The following ADCY5 variants were observed in gnomAD, a reference collection of about 807,000 sequenced individuals.
ADCY5 encodes adenylate cyclase type 5.
A neutral mutation model predicts 119.7 loss-of-function variants in ADCY5; 30 were observed. The ratio of observed to expected loss-of-function variants is 0.25; its 90% confidence interval spans 0.19 to 0.34. The LOEUF (loss-of-function observed/expected upper bound fraction) is 0.34. ADCY5 is among the 10% of genes least tolerant of loss of function. The pLI, the probability that ADCY5 is intolerant of heterozygous loss-of-function variation, is 1.00. For missense variants in ADCY5, 1,324 were observed against 1,775.2 expected (o/e 0.75, Z 4.57); for synonymous variants, 753 against 762.2 (o/e 0.99, Z 0.20).
At chr3:123,308,025 GCT>G (rs1313046648) in intron 12 of ADCY5, among the ~76,000 whole-genome samples, 1 of 117,368 alleles carries the variant, frequency 8.5e-6, no homozygotes, top group African/African-American at 3.2e-5. Context: ...TTTTTTTCAT[GCT>G]CTTTTTTTTT....
At chr3:123,333,308 G>A (rs764412119) in intron 3 of ADCY5, among the ~76,000 whole-genome samples, 3 of 152,178 alleles carry the variant, frequency 2.0e-5, no homozygotes, top group Non-Finnish European at 2.9e-5. Flanking sequence ...CTCCAGAACC[G>A]TGAGAAATAC....
intron 13 of ADCY5, 81 bp downstream of exon 13, chr3:123,303,986 G>C: frequency 2.0e-6 from 2 of 1,001,336 alleles, no homozygotes; most frequent in African/African-American, 3.2e-5. Context: ...TCTCTCCTAG[G>C]CCTGCTTGTC....
At chr3:123,432,106 G>A (rs1305317212) in intron 1 of ADCY5, among the ~76,000 whole-genome samples, 1 of 152,170 alleles carries the variant, frequency 6.6e-6, no homozygotes, top group Non-Finnish European at 1.5e-5. Context: ...TCTCAGCCCT[G>A]GGCATTCAAG....
chr3:123,425,034 A>T (rs1303108624), intron 1 of ADCY5, among the ~76,000 whole-genome samples: 3 of 152,220 alleles, frequency 2.0e-5, no homozygotes, highest in African/African-American at 7.2e-5. Context: ...CCCCCTCCCC[A>T]GGCATCCTGA....
intron 1 of ADCY5, among the ~76,000 whole-genome samples, chr3:123,420,507 G>A (rs1559872732): frequency 1.3e-5 from 2 of 152,170 alleles, no homozygotes; most frequent in Non-Finnish European, 2.9e-5. Flanking sequence ...GGTGAGGGGT[G>A]AGTGATCTGT....
intron 1 of ADCY5, among the ~76,000 whole-genome samples, chr3:123,392,072 A>G (rs1306571672): frequency 6.6e-6 from 1 of 152,190 alleles, no homozygotes; most frequent in Non-Finnish European, 1.5e-5. Context: ...CCTCACATCT[A>G]AAGCATTTGT....
intron 19 of ADCY5, 68 bp downstream of exon 19, chr3:123,289,682 G>T (rs576938036): frequency 6.4e-7 from 1 of 1,562,154 alleles, no homozygotes; most frequent in Non-Finnish European, 8.8e-7. Flanking sequence ...TATGGGGTAT[G>T]GGGGAGCCCC....
chr3:123,397,091 C>T (rs1435309195), intron 1 of ADCY5, among the ~76,000 whole-genome samples: 1 of 152,068 alleles, frequency 6.6e-6, no homozygotes, highest in Non-Finnish European at 1.5e-5. Context: ...AACAGAAGAG[C>T]TAAATTTGTC....
At chr3:123,319,466 G>A (rs1941099527) in intron 10 of ADCY5, among the ~76,000 whole-genome samples, 1 of 152,168 alleles carries the variant, frequency 6.6e-6, no homozygotes, top group Non-Finnish European at 1.5e-5. Context: ...TGAAACGAAG[G>A]CACAGAGAAG....
chr3:123,424,450 G>A (rs1263485243), intron 1 of ADCY5, among the ~76,000 whole-genome samples: 1 of 152,172 alleles, frequency 6.6e-6, no homozygotes, highest in Non-Finnish European at 1.5e-5. Context: ...TCCTAGCAGG[G>A]GGTGCTCAGA....
At chr3:123,296,469 C>A (rs1026200808) in intron 16 of ADCY5, among the ~76,000 whole-genome samples, 1 of 152,198 alleles carries the variant, frequency 6.6e-6, no homozygotes, top group African/African-American at 2.4e-5. Flanking sequence ...GCCTTACAAC[C>A]CCCCATCACT....
At chr3:123,418,802 A>C (rs1440197193) in intron 1 of ADCY5, 1 of 152,256 alleles carries the variant, frequency 6.6e-6, no homozygotes, top group Non-Finnish European at 1.5e-5. Context: ...GGGCGTTATC[A>C]AATCCACTGA....
intron 17 of ADCY5, among the ~76,000 whole-genome samples, chr3:123,295,743 G>A (rs371077674): frequency 1.3e-5 from 2 of 152,020 alleles, no homozygotes; most frequent in African/African-American, 4.8e-5. Context: ...GGACCTGCCC[G>A]CACCTCCCCT....
At chr3:123,326,758 C>G (rs914829526) in intron 7 of ADCY5, among the ~76,000 whole-genome samples, 1 of 152,176 alleles carries the variant, frequency 6.6e-6, no homozygotes, top group South Asian at 2.1e-4. Flanking sequence ...GGATCTGTCC[C>G]CTGGGGTACT....
chr3:123,371,270 A>G (rs533003002), intron 1 of ADCY5, among the ~76,000 whole-genome samples: 78 of 152,350 alleles, frequency 5.1e-4, no homozygotes, highest in African/African-American at 1.8e-3. Context: ...AAACCTCAGA[A>G]TCTTCTCCTA....
At chr3:123,335,604 T>A (rs1478612087) in intron 3 of ADCY5, among the ~76,000 whole-genome samples, 1 of 152,022 alleles carries the variant, frequency 6.6e-6, no homozygotes, top group East Asian at 1.9e-4. Context: ...CCTGGCACTG[T>A]GAGGGAGGTG....
chr3:123,351,083 T>C (rs1942818791), intron 2 of ADCY5, among the ~76,000 whole-genome samples: 2 of 150,238 alleles, frequency 1.3e-5, no homozygotes, highest in Non-Finnish European at 3.0e-5. Context: ...AGGGCCAGAG[T>C]GAATGGGGAG....
At chr3:123,368,228 G>A (rs1943518927) in intron 1 of ADCY5, among the ~76,000 whole-genome samples, 1 of 152,224 alleles carries the variant, frequency 6.6e-6, no homozygotes, top group Non-Finnish European at 1.5e-5. Context: ...CGGTACAGGT[G>A]TAAACCAACA....
rs73858739 is a variant in ADCY5, at chr3:123,336,857, T to C, written c.1407-4182A>G. Among the ~76,000 whole-genome samples the C allele has an allele frequency of 1.5e-3, 234 of 152,306 alleles. 1 individual carries two copies. The highest frequency in any genetic ancestry group is 5.1e-3 in the African/African-American group (211 of 41,570). On this transcript the variant is annotated intron_variant, in intron 3 of 20. Transcript: ENST00000462833. Reference sequence around the variant, plus strand: ...TGGCAACTCTTGTCACACTAGACCATATGGTCCTGGGACCAGGCATCTCGT... The same window carrying C: ...TGGCAACTCTTGTCACACTAGACCACATGGTCCTGGGACCAGGCATCTCGT...
Sources: allele counts gnomAD v4.1 joint callset (sites outside exome capture counted in the v4.1 genomes callset), GRCh38; gene constraint gnomAD v4.1.1; transcripts MANE v1.5; gene names NCBI Gene and HGNC (gene_info 2026-07-23, HGNC 2026-07-21).